The following KCNU1 variants were observed in gnomAD, a reference collection of about 807,000 sequenced individuals.
KCNU1 encodes the protein potassium channel subfamily U member 1.
Under a neutral mutation model 126.8 loss-of-function variants are expected in KCNU1, and 93 were observed. That is an observed-to-expected ratio of 0.73 (90% confidence interval 0.62 to 0.87). The LOEUF (loss-of-function observed/expected upper bound fraction) is 0.87, where lower values mean the gene tolerates loss of function less well. Among genes scored for constraint, KCNU1 ranks in the 40% least tolerant of loss-of-function variants. KCNU1 has a pLI of 0.00. For synonymous variants in KCNU1, 523 were observed against 494.2 expected, an observed-to-expected ratio of 1.06 and a Z score of -0.77; for missense variants, 1,330 against 1,367.1, an observed-to-expected ratio of 0.97 and a Z score of 0.43.
At chr8:36,804,138 G>A (rs141239737) in intron 3 of KCNU1, 50 bp downstream of exon 3, 19 of 1,269,752 alleles carry the variant, frequency 1.5e-5, no homozygotes, top group African/African-American at 7.4e-5. Flanking sequence ...TACATTGCTC[G>A]GCTAATTTGG....
rs1802749982 is a variant in KCNU1 at position 36,787,481 on chromosome 8, T to C, written c.315+56T>C. The stretch of plus-strand genomic sequence containing the variant: ...CAAACTTTAGCCATAGGTGTGATTA[T>C]AGTCAGCACAAATCAATTGATTCCC... On this transcript the variant is annotated intron_variant, in intron 2 of 26. Coordinates refer to ENST00000399881, the MANE Select transcript of KCNU1 (RefSeq NM_001031836.3). The C allele has an allele frequency of 3.9e-6, 6 of 1,519,038 alleles. No homozygotes were observed. In the Middle Eastern group the frequency reaches 5.1e-4, roughly 130 times the overall value. 94.1% of individuals were successfully genotyped at this position (1,519,038 alleles called of 1,614,324 possible). A position where few individuals can be genotyped will look rare whatever the true frequency, so the allele number is the denominator to read the frequency against.
intron 19 of KCNU1, chr8:36,888,510 A>G (rs374891628): frequency 6.6e-5 from 35 of 528,220 alleles, no homozygotes; most frequent in Middle Eastern, 6.4e-4. Flanking sequence ...ATCAGCCACA[A>G]TGAGATGTTC....
intron 10 of KCNU1, among the ~76,000 whole-genome samples, chr8:36,821,508 A>C (rs1490776151): frequency 1.3e-5 from 2 of 152,160 alleles, no homozygotes; most frequent in African/African-American, 4.8e-5. Flanking sequence ...GCCCCCATCC[A>C]GGTCTAGGCC....
At chr8:36,845,024 A>T (rs1436539254) in intron 16 of KCNU1, among the ~76,000 whole-genome samples, 2 of 152,246 alleles carry the variant, frequency 1.3e-5, no homozygotes, top group African/African-American at 4.8e-5. Context: ...TAAGATAACA[A>T]TAGAAATAAT....
At chr8:36,891,849 T>A (rs1563319199) in intron 19 of KCNU1, among the ~76,000 whole-genome samples, 1 of 152,142 alleles carries the variant, frequency 6.6e-6, no homozygotes, top group Non-Finnish European at 1.5e-5. Context: ...GGATCCCTTG[T>A]AGATGCTGAG....
chr8:36,873,714 G>A (rs541823780), intron 19 of KCNU1, among the ~76,000 whole-genome samples: 5 of 152,144 alleles, frequency 3.3e-5, no homozygotes, highest in Non-Finnish European at 7.3e-5. Flanking sequence ...AGCTTTACAA[G>A]TTGGCAGCTC....
intron 19 of KCNU1, among the ~76,000 whole-genome samples, chr8:36,879,226 T>TGG (rs1229309389): frequency 2.1e-5 from 3 of 143,146 alleles, no homozygotes; most frequent in South Asian, 2.2e-4. Flanking sequence ...TATATATATA[T>TGG]ATATATATAT....
intron 2 of KCNU1, among the ~76,000 whole-genome samples, chr8:36,794,511 T>C (rs1244811199): frequency 6.6e-6 from 1 of 152,144 alleles, no homozygotes; most frequent in Non-Finnish European, 1.5e-5. Flanking sequence ...ATCTTAATTT[T>C]CCTTTTCTCC....
intron 18 of KCNU1, among the ~76,000 whole-genome samples, chr8:36,857,791 G>A (rs370257129): frequency 1.3e-5 from 2 of 151,810 alleles, no homozygotes; most frequent in Admixed American, 1.3e-4. Context: ...GATTACAGGC[G>A]CTTGCCACCA....
At chr8:36,809,707 G>C (rs922843488) in intron 7 of KCNU1, among the ~76,000 whole-genome samples, 1 of 152,158 alleles carries the variant, frequency 6.6e-6, no homozygotes, top group Non-Finnish European at 1.5e-5. Flanking sequence ...GGGCCCACCA[G>C]GGGATAAGCA....
rs796263074 is a variant in KCNU1, at chr8:36,931,492, A to T, written c.2931+347A>T. Among the ~76,000 whole-genome samples the T allele has an allele frequency of 3.3e-5, 5 of 152,238 alleles. 1 individual carries two copies. The highest frequency in any genetic ancestry group is 1.2e-4 in the African/African-American group (5 of 41,562). On this transcript the variant is annotated intron_variant, in intron 25 of 26. Transcript: ENST00000399881. ...ATAATAATTATAACAGCTAATGTTTATTGAGTATTTTCTCTGTGCTTGTCT... is the reference window on the plus strand; with the variant it reads ...ATAATAATTATAACAGCTAATGTTTTTTGAGTATTTTCTCTGTGCTTGTCT...
intron 14 of KCNU1, among the ~76,000 whole-genome samples, chr8:36,839,309 T>A (rs1167958515): frequency 6.6e-6 from 1 of 152,180 alleles, no homozygotes; most frequent in African/African-American, 2.4e-5. Context: ...TGTTTTCCTT[T>A]CTGATCTTTT....
At chr8:36,818,957 C>T (rs1261337838) in intron 10 of KCNU1, among the ~76,000 whole-genome samples, 1 of 152,120 alleles carries the variant, frequency 6.6e-6, no homozygotes, top group Non-Finnish European at 1.5e-5. Context: ...AGTACTAAAA[C>T]TAGGGATTAA....
chr8:36,881,369 T>C (rs923293574), intron 19 of KCNU1, among the ~76,000 whole-genome samples: 2 of 152,142 alleles, frequency 1.3e-5, no homozygotes, highest in African/African-American at 4.8e-5. Flanking sequence ...ACTACAGTCA[T>C]GAGCCACCAT....
At chr8:36,843,759 A>C (rs898795374) in intron 16 of KCNU1, among the ~76,000 whole-genome samples, 1 of 152,184 alleles carries the variant, frequency 6.6e-6, no homozygotes, top group Admixed American at 6.5e-5. Flanking sequence ...TCAAATTGGC[A>C]AGCTTGAAGA....
rs553552595 is a variant in KCNU1 at position 36,931,096 on chromosome 8, G to T, written c.2882G>T (p.Cys961Phe). The change falls in exon 25 of 27, where the codon TGT (cysteine) becomes TTT (phenylalanine). Residue 961 changes from cysteine to phenylalanine, a missense_variant. Cys to Phe is a radical substitution (Grantham distance 205). Coordinates refer to ENST00000399881, the MANE Select transcript of KCNU1 (RefSeq NM_001031836.3). ...CTSLLSGRNR[C>F]KLGLLSLHET... ...TCGCTCTTGTCTGGAAGAAACCGGTGTAAGCTGGGGCTTCTGTCCTTACAC... is the reference window on the plus strand; with the variant it reads ...TCGCTCTTGTCTGGAAGAAACCGGTTTAAGCTGGGGCTTCTGTCCTTACAC... 5.0e-6 allele frequency: 8 copies of T among 1,611,506 alleles called. No individual in the cohort carries two copies. The highest frequency in any genetic ancestry group is 6.8e-6 in the Non-Finnish European group (8 of 1,178,618).
chr8:36,918,821 A>G lies in KCNU1; in HGVS notation c.2522-2A>G. 6.3e-7 allele frequency: 1 copy of G among 1,590,446 alleles called. No homozygotes were observed. The highest frequency in any genetic ancestry group is 8.6e-7 in the Non-Finnish European group (1 of 1,158,656). On this transcript the variant is annotated splice_acceptor_variant, in intron 22 of 26. Transcript: ENST00000399881. LOFTEE classifies it high-confidence loss of function. Reference sequence around the variant, plus strand: ...ATTTATCACCTCTTTTCTTCTTTGCAGAGGAGACTCCAGGTTACACAAATG... The same window carrying G: ...ATTTATCACCTCTTTTCTTCTTTGCGGAGGAGACTCCAGGTTACACAAATG...
At chr8:36,791,124 G>A (rs1802887446) in intron 2 of KCNU1, among the ~76,000 whole-genome samples, 1 of 152,016 alleles carries the variant, frequency 6.6e-6, no homozygotes, top group Admixed American at 6.6e-5. Flanking sequence ...TTCCTATGTT[G>A]TTAATATTAA....
intron 19 of KCNU1, among the ~76,000 whole-genome samples, chr8:36,902,682 T>C (rs942219115): frequency 2.0e-5 from 3 of 152,088 alleles, no homozygotes; most frequent in Non-Finnish European, 4.4e-5. Context: ...GTTCTACGGA[T>C]GAATTATATC....
Sources: gnomAD v4.1 joint callset for allele counts (sites outside exome capture counted in the v4.1 genomes callset) on GRCh38, gnomAD v4.1.1 for gene constraint, MANE v1.5 for transcripts, NCBI Gene and HGNC (gene_info 2026-07-23, HGNC 2026-07-21) for gene names.